The following THSD4 variants were observed in gnomAD, a reference collection of about 807,000 sequenced individuals.
The protein encoded by THSD4 is thrombospondin type 1 domain containing 4, also known as thrombospondin type-1 domain-containing protein 4.
Under a neutral mutation model 119.0 loss-of-function variants are expected in THSD4, and 69 were observed. That is an observed-to-expected ratio of 0.58 (90% CI 0.48 to 0.71). The LOEUF is 0.71. Among genes scored for constraint, THSD4 ranks in the 30% least tolerant of loss-of-function variants. The pLI, the probability that THSD4 is intolerant of heterozygous loss-of-function variation, is 0.00. For synonymous variants in THSD4, 524 were observed against 540.4 expected, an observed-to-expected ratio of 0.97 and a Z score of 0.42; for missense variants, 1,393 against 1,391.1, an observed-to-expected ratio of 1.00 and a Z score of -0.02.
At chr15:71,408,062 T>A (rs899942755) in intron 6 of THSD4, among the ~76,000 whole-genome samples, 11 of 152,160 alleles carry the variant, frequency 7.2e-5, no homozygotes, top group Non-Finnish European at 1.6e-4. Context: ...TGCTCCCAGC[T>A]TGTGGCAACC....
At chr15:71,283,050 G>C (rs1447293587) in intron 6 of THSD4, among the ~76,000 whole-genome samples, 2 of 148,730 alleles carry the variant, frequency 1.3e-5, no homozygotes, top group African/African-American at 2.5e-5. Context: ...GCTCACTGCA[G>C]CCTCCACCTC....
At chr15:71,668,646 C>A (rs939615848) in intron 8 of THSD4, among the ~76,000 whole-genome samples, 1 of 152,182 alleles carries the variant, frequency 6.6e-6, no homozygotes, top group African/African-American at 2.4e-5. Context: ...AGACTTCTGT[C>A]TTCATTGTGG....
chr15:71,537,307 A>C (rs868756635), intron 7 of THSD4, among the ~76,000 whole-genome samples: 1 of 152,114 alleles, frequency 6.6e-6, no homozygotes. Context: ...GCAAAATGCA[A>C]ATCTGGTCCT....
chr15:71,293,956 G>C (rs1027649687), intron 6 of THSD4, among the ~76,000 whole-genome samples: 2 of 151,960 alleles, frequency 1.3e-5, no homozygotes, highest in Non-Finnish European at 1.5e-5. Flanking sequence ...CGTGAATCCT[G>C]GGGCAGGGCA....
chr15:71,456,251 T>G (rs1484683862), intron 7 of THSD4, among the ~76,000 whole-genome samples: 2 of 152,258 alleles, frequency 1.3e-5, no homozygotes, highest in East Asian at 1.9e-4. Context: ...TTCCACCCTG[T>G]GTACTCCCTT....
chr15:71,237,986 GCC>G (rs2044119835), intron 4 of THSD4, among the ~76,000 whole-genome samples: 1 of 152,072 alleles, frequency 6.6e-6, no homozygotes, highest in African/African-American at 2.4e-5. Context: ...GATGAACTGG[GCC>G]TGGAACCTGG....
At chr15:71,313,718 A>AT (rs893098210) in intron 6 of THSD4, among the ~76,000 whole-genome samples, 1 of 151,990 alleles carries the variant, frequency 6.6e-6, no homozygotes, top group East Asian at 1.9e-4. Context: ...TTACTTTTTG[A>AT]TTTTTTCATA....
chr15:71,435,423 T>C (rs189225058), intron 7 of THSD4, among the ~76,000 whole-genome samples: 1 of 152,348 alleles, frequency 6.6e-6, no homozygotes, highest in East Asian at 1.9e-4. Context: ...CTTTTGTTTC[T>C]TTTCATAGGT....
chr15:71,360,389 T>G (rs2045877788), intron 6 of THSD4, among the ~76,000 whole-genome samples: 1 of 152,160 alleles, frequency 6.6e-6, no homozygotes, highest in African/African-American at 2.4e-5. Flanking sequence ...CCAATCCAGA[T>G]TCAACACGAT....
At chr15:71,642,448 G>C (rs7172706) in intron 7 of THSD4, among the ~76,000 whole-genome samples, 55,603 of 151,438 alleles carry the variant, frequency 0.37, 10,933 homozygotes, top group East Asian at 0.83. Context: ...TCCCATTACT[G>C]GGTATATACC....
chr15:71,197,180 C>T (rs2043727383), intron 3 of THSD4, among the ~76,000 whole-genome samples: 1 of 152,194 alleles, frequency 6.6e-6, no homozygotes, highest in South Asian at 2.1e-4. Flanking sequence ...GCGACCTGCC[C>T]CACAGGGTTA....
chr15:71,387,613 C>T (rs774343094), intron 6 of THSD4, among the ~76,000 whole-genome samples: 10 of 152,156 alleles, frequency 6.6e-5, no homozygotes, highest in Non-Finnish European at 1.2e-4. Context: ...ATCTGTCTTA[C>T]TTTCCCAAAA....
chr15:71,716,421 TAAATG>T (rs912258348), intron 8 of THSD4, among the ~76,000 whole-genome samples: 9 of 152,198 alleles, frequency 5.9e-5, no homozygotes, highest in Admixed American at 1.3e-4. Flanking sequence ...AATTACCACA[TAAATG>T]AAAGAAGTAA....
At chr15:71,436,188 A>C (rs2047010890) in intron 7 of THSD4, among the ~76,000 whole-genome samples, 1 of 152,134 alleles carries the variant, frequency 6.6e-6, no homozygotes, top group African/African-American at 2.4e-5. Flanking sequence ...CAGTCTGTGG[A>C]GATCAGCTCA....
intron 17 of THSD4, among the ~76,000 whole-genome samples, chr15:71,774,915 G>A (rs763192457): frequency 6.6e-6 from 1 of 152,202 alleles, no homozygotes; most frequent in Non-Finnish European, 1.5e-5. Context: ...GGGAGGCCAA[G>A]GCAGGCGGAT....
intron 7 of THSD4, among the ~76,000 whole-genome samples, chr15:71,484,530 G>A (rs1048217411): frequency 2.6e-5 from 4 of 152,204 alleles, no homozygotes; most frequent in South Asian, 2.1e-4. Flanking sequence ...GTCAAAGGTA[G>A]CGTTATCAAC....
At chr15:71,555,581 C>A (rs1030605329) in intron 7 of THSD4, among the ~76,000 whole-genome samples, 48 of 152,216 alleles carry the variant, frequency 3.2e-4, no homozygotes, top group African/African-American at 2.4e-5. Context: ...GTAATATTTT[C>A]TCCACTTTAT....
intron 7 of THSD4, among the ~76,000 whole-genome samples, chr15:71,532,331 T>TGTGTGA (rs1567023975): frequency 6.8e-6 from 1 of 146,838 alleles, no homozygotes; most frequent in Admixed American, 6.9e-5. Flanking sequence ...TGTGTGTGTG[T>TGTGTGA]GATGGAGTCT....
At chr15:71,190,405 C>G (rs2043661127) in intron 3 of THSD4, among the ~76,000 whole-genome samples, 2 of 152,278 alleles carry the variant, frequency 1.3e-5, no homozygotes, top group South Asian at 4.2e-4. Flanking sequence ...CTATTGGGCT[C>G]CCTTCCATGT....
Sources: allele counts gnomAD v4.1 joint callset (sites outside exome capture counted in the v4.1 genomes callset), GRCh38; gene constraint gnomAD v4.1.1; transcripts MANE v1.5; gene names NCBI Gene and HGNC (gene_info 2026-07-23, HGNC 2026-07-21).